PEPD: variants seen among roughly 807,000 people sequenced by gnomAD.
PEPD encodes the protein peptidase D, also known as xaa-Pro dipeptidase.
In PEPD, 53 loss-of-function variants were observed where a neutral mutation model predicts 60.7. The observed-to-expected ratio is 0.87, with a 90% CI of 0.70 to 1.10. The LOEUF is 1.10. PEPD is among the 50% of genes least tolerant of loss of function. PEPD has a pLI of 0.00. For missense variants in PEPD, 711 were observed against 711.9 expected, an observed-to-expected ratio of 1.00 and a Z score of 0.01; for synonymous variants, 267 against 284.1, an observed-to-expected ratio of 0.94 and a Z score of 0.60.
chr19:33,433,384 C>G lies in PEPD; in HGVS notation c.672-19741G>C, dbSNP rs558154212. ...ACAAGGTACACCAAAGCCCTTGAGA[C>G]ACTCTTGGAATAATGATGCCCACTC... On this transcript the variant is annotated intron_variant, in intron 9 of 14. Coordinates refer to ENST00000244137, the MANE Select transcript of PEPD (RefSeq NM_000285.4). Among the ~76,000 whole-genome samples the G allele has an allele frequency of 4.6e-5, 7 of 152,352 alleles. No homozygotes were observed. In the East Asian group the frequency reaches 1.3e-3, roughly 29 times the overall value.
At chr19:33,397,254 C>T (rs1178126327) in intron 12 of PEPD, among the ~76,000 whole-genome samples, 2 of 152,222 alleles carry the variant, frequency 1.3e-5, no homozygotes, top group Non-Finnish European at 2.9e-5. Context: ...TTCCTCAACC[C>T]CCCAGGGTCC....
chr19:33,511,428 C>G, intron 2 of PEPD: 2 of 443,030 alleles, frequency 4.5e-6, no homozygotes, highest in Non-Finnish European at 8.5e-6. Context: ...ATCCCCACCC[C>G]CGGGCCCACA....
At chr19:33,394,147 C>A (rs1968308445) in intron 12 of PEPD, among the ~76,000 whole-genome samples, 1 of 152,218 alleles carries the variant, frequency 6.6e-6, no homozygotes, top group African/African-American at 2.4e-5. Context: ...GCAAAGTTGG[C>A]ACATGGGGCT....
At chr19:33,425,145 G>A (rs1205438035) in intron 9 of PEPD, among the ~76,000 whole-genome samples, 3 of 152,146 alleles carry the variant, frequency 2.0e-5, no homozygotes, top group East Asian at 1.9e-4. Context: ...CGAGGCGGGT[G>A]GATCACTTGA....
rs1415223110 is a variant in PEPD at position 33,512,452 on chromosome 19, G to A, written c.201+141C>T. On this transcript the variant is annotated intron_variant, in intron 2 of 14. Transcript: ENST00000244137. ...AGTTCTACATCTTCAAGGAGCCCCTGGACCACTTCCCAGGCGAGGAAACAG... is the reference window on the plus strand; with the variant it reads ...AGTTCTACATCTTCAAGGAGCCCCTAGACCACTTCCCAGGCGAGGAAACAG... 3 of 800,872 alleles carry A rather than the reference G, an allele frequency of 3.7e-6. No homozygotes were observed. In the African/African-American group the frequency reaches 5.1e-5, roughly 14 times the overall value. 49.6% of individuals were successfully genotyped at this position (800,872 alleles called of 1,614,324 possible).
intron 9 of PEPD, among the ~76,000 whole-genome samples, chr19:33,425,924 C>T (rs1264674251): frequency 2.6e-5 from 4 of 152,250 alleles, no homozygotes; most frequent in Non-Finnish European, 4.4e-5. Flanking sequence ...ATCCTCCTGC[C>T]TCAGCCTCCT....
intron 9 of PEPD, among the ~76,000 whole-genome samples, chr19:33,427,043 T>C (rs1434441627): frequency 6.6e-6 from 1 of 152,238 alleles, no homozygotes; most frequent in African/African-American, 2.4e-5. Flanking sequence ...AATGAGCCTT[T>C]CCATCCTCAC....
At chr19:33,445,424 C>T (rs1969573180) in intron 9 of PEPD, among the ~76,000 whole-genome samples, 1 of 152,192 alleles carries the variant, frequency 6.6e-6, no homozygotes, top group African/African-American at 2.4e-5. Flanking sequence ...GGTGATTAGG[C>T]TAAACTGAGG....
rs113887247 is a variant in PEPD, at chr19:33,419,669, C to T, written c.672-6026G>A. Among the ~76,000 whole-genome samples the T allele has an allele frequency of 3.9e-5, 6 of 152,328 alleles. 1 individual carries two copies. Among genetic ancestry groups the T allele is most frequent in the African/African-American group, 1.2e-4 (5 of 41,578 alleles). On this transcript the variant is annotated intron_variant, in intron 9 of 14. Coordinates refer to ENST00000244137, the MANE Select transcript of PEPD (RefSeq NM_000285.4). ...CTTGCTGTGAAGGCTGAAGAAGATG[C>T]AGGGAAAAGCTTCAACTCCATAAAC...
At position 33,401,860 on chromosome 19, in the gene PEPD, G is replaced by A. The variant is rs777915295; in HGVS notation, c.828C>T (p.Asp276=). Residue 276 remains aspartate, a synonymous_variant, in exon 12 of 15, where the codon GAC becomes GAT. Transcript: ENST00000244137. The stretch of plus-strand genomic sequence containing the variant: ...CGAAGCAGTAATACTCACCGCCCAT[G>A]TCGAACAGGCTGCGGAGAGAGGAAG... ...TIQNGDMCLF[D]MGGEYYCFAS... The A allele has an allele frequency of 1.9e-6, 3 of 1,613,176 alleles. No homozygotes were observed. The highest frequency in any genetic ancestry group is 8.5e-7 in the Non-Finnish European group (1 of 1,179,948).
rs757386104 is a variant in PEPD, at chr19:33,387,464, GTCC to G, written c.1359_1361del (p.Glu453del). On this transcript the variant is annotated inframe_deletion, in exon 15 of 15. Transcript: ENST00000244137. Reference sequence around the variant, plus strand: ...CTATGCCGCTGTCAGTCACCACGACGTCCTCCTCGATGCGGACCTGGGTCAAGC... The same window carrying G: ...CTATGCCGCTGTCAGTCACCACGACGTCCTCGATGCGGACCTGGGTCAAGC... The G allele has an allele frequency of 5.0e-6, 8 of 1,613,602 alleles. No homozygotes were observed. The highest frequency in any genetic ancestry group is 2.7e-5 in the African/African-American group (2 of 74,936).
chr19:33,474,719 G>A (rs1247376710), intron 7 of PEPD, among the ~76,000 whole-genome samples: 4 of 151,860 alleles, frequency 2.6e-5, no homozygotes, highest in African/African-American at 9.7e-5. Context: ...GGTGGCTCAC[G>A]CCTATAATCC....
chr19:33,414,928 C>T (rs1480188208), intron 9 of PEPD, among the ~76,000 whole-genome samples: 2 of 152,208 alleles, frequency 1.3e-5, no homozygotes, highest in Admixed American at 6.5e-5. Context: ...CAGCCGCCCC[C>T]GTATTCGTGG....
intron 7 of PEPD, among the ~76,000 whole-genome samples, chr19:33,476,258 G>A (rs1940549214): frequency 6.6e-6 from 1 of 152,064 alleles, no homozygotes; most frequent in African/African-American, 2.4e-5. Flanking sequence ...CGGACCCACT[G>A]GCCTCTAACC....
chr19:33,510,917 T>A (rs989815787), intron 3 of PEPD, 111 bp downstream of exon 3: 1 of 1,135,552 alleles, frequency 8.8e-7, no homozygotes, highest in Admixed American at 2.0e-5. Context: ...CTCCTGCAGC[T>A]CTTCCCTCCT....
chr19:33,409,568 G>A (rs1009742066), intron 11 of PEPD, among the ~76,000 whole-genome samples: 3 of 152,148 alleles, frequency 2.0e-5, no homozygotes, highest in Non-Finnish European at 2.9e-5. Flanking sequence ...TCAGCTACTC[G>A]GGAGGCTGAG....
intron 9 of PEPD, among the ~76,000 whole-genome samples, chr19:33,414,071 C>A (rs1438956250): frequency 6.6e-6 from 1 of 152,218 alleles, no homozygotes; most frequent in Non-Finnish European, 1.5e-5. Context: ...CACCACCCAC[C>A]CTGCCAGGAG....
Position 33,387,879 on chromosome 19 carries a change from T to C in PEPD, c.1344+11A>G. ...GTTCTGGGAGCAAGAATGGGGCCCG[T>C]GGGCACTCACCCCGCCAAAACCGCG... On this transcript the variant is annotated intron_variant, in intron 14 of 14. Coordinates refer to ENST00000244137, the MANE Select transcript of PEPD (RefSeq NM_000285.4). 6.4e-7 allele frequency: 1 copy of C among 1,554,156 alleles called. No individual in the cohort carries two copies.
intron 10 of PEPD, among the ~76,000 whole-genome samples, chr19:33,411,975 A>G (rs1210392374): frequency 1.3e-5 from 2 of 152,206 alleles, no homozygotes; most frequent in Admixed American, 6.5e-5. Context: ...CTGCAGGCAG[A>G]GCCTCCTGGC....
Sources: allele counts gnomAD v4.1 joint callset (sites outside exome capture counted in the v4.1 genomes callset), GRCh38; gene constraint gnomAD v4.1.1; transcripts MANE v1.5; gene names NCBI Gene and HGNC (gene_info 2026-07-23, HGNC 2026-07-21).